The following LINGO2 variants were observed in gnomAD, a reference collection of about 807,000 sequenced individuals.
The protein encoded by LINGO2 is leucine rich repeat and Ig domain containing 2.
Under a neutral mutation model 30.6 loss-of-function variants are expected in LINGO2, and 14 were observed. That is an observed-to-expected ratio of 0.46 (90% CI 0.30 to 0.72). The LOEUF is 0.72. Ranked by LOEUF, LINGO2 falls within the 30% of genes least tolerant of loss-of-function variation. The pLI, the probability that LINGO2 is intolerant of heterozygous loss-of-function variation, is 0.07. For synonymous variants in LINGO2, 317 were observed against 288.5 expected, an observed-to-expected ratio of 1.10 and a Z score of -1.00; for missense variants, 729 against 751.7, an observed-to-expected ratio of 0.97 and a Z score of 0.35.
At chr9:29,047,479 C>G in the LINGO2 span, among the ~76,000 whole-genome samples, 1 of 152,026 alleles carries the variant, frequency 6.6e-6, no homozygotes, top group African/African-American at 2.4e-5. Context: ...AAGCTCTCAA[C>G]ATAATAAAAG....
chr9:27,971,420 C>T (rs1028684679), intron 5 of LINGO2, among the ~76,000 whole-genome samples: 2 of 152,150 alleles, frequency 1.3e-5, no homozygotes, highest in Admixed American at 6.6e-5. Context: ...TCTGCTCCAT[C>T]GCCCAGGCTG....
the LINGO2 span, among the ~76,000 whole-genome samples, chr9:28,753,521 G>A: frequency 6.6e-6 from 1 of 152,006 alleles, no homozygotes; most frequent in African/African-American, 2.4e-5. Context: ...AATTAAGCCT[G>A]AGCTGCTTAC....
At chr9:28,159,107 C>A (rs1181816771) in intron 4 of LINGO2, among the ~76,000 whole-genome samples, 2 of 152,124 alleles carry the variant, frequency 1.3e-5, no homozygotes, top group African/African-American at 4.8e-5. Context: ...GGATGACAGA[C>A]TGCTTTATAA....
intron 3 of LINGO2, among the ~76,000 whole-genome samples, chr9:28,364,528 A>G (rs1362215520): frequency 6.6e-6 from 1 of 152,158 alleles, no homozygotes; most frequent in Non-Finnish European, 1.5e-5. Flanking sequence ...GCCATTTTAT[A>G]TAGCTCTCTA....
intron 1 of LINGO2, among the ~76,000 whole-genome samples, chr9:28,650,127 A>AAGAAATGAAAATTAAGG (rs1828029089): frequency 6.6e-6 from 1 of 152,082 alleles, no homozygotes; most frequent in Non-Finnish European, 1.5e-5. Flanking sequence ...AAGGAATATT[A>AAGAAATGAAAATTAAGG]CTATATTAAG....
chr9:28,045,152 T>C lies in LINGO2; in HGVS notation c.-86-32747A>G, dbSNP rs184417004. ...CCCACATAAGCCATTTTCCGGTCCA[T>C]TCCCACCACTACCCCTCCAAAAAAA... is the stretch of plus-strand genomic sequence containing the variant. On this transcript the variant is annotated intron_variant, in intron 4 of 5. Transcript: ENST00000379992. Among the ~76,000 whole-genome samples, 191 of 151,904 alleles carry C rather than the reference T, an allele frequency of 1.3e-3. 2 individuals are homozygous for C. Among genetic ancestry groups the C allele is most frequent in the Admixed American group, 0.013 (191 of 15,258 alleles).
chr9:28,827,046 G>T, the LINGO2 span, among the ~76,000 whole-genome samples: 1 of 152,276 alleles, frequency 6.6e-6, no homozygotes, highest in East Asian at 1.9e-4. Context: ...TTTGTGAATA[G>T]TCAATTATAG....
rs147644627 is a variant in LINGO2 at position 28,269,653 on chromosome 9, T to TC, written c.-87+25554dup. On this transcript the variant is annotated intron_variant, in intron 4 of 5. Coordinates refer to ENST00000379992, the Ensembl canonical transcript of LINGO2. The stretch of plus-strand genomic sequence containing the variant: ...AGGAATGGCTTTTGAATCAATAATT[T>TC]CCCCCACCAAATGTTCTCTGCTAAT... Among the ~76,000 whole-genome samples, 2,438 of 152,110 alleles carry TC rather than the reference T, an allele frequency of 0.016. 138 individuals are homozygous for TC. In the East Asian group the frequency reaches 0.18, roughly 12 times the overall value.
chr9:28,920,123 C>A, the LINGO2 span, among the ~76,000 whole-genome samples: 1 of 152,016 alleles, frequency 6.6e-6, no homozygotes, highest in Non-Finnish European at 1.5e-5. Context: ...AAAATAGATT[C>A]TCAGAAGTGA....
chr9:28,857,667 A>T, the LINGO2 span, among the ~76,000 whole-genome samples: 3 of 152,202 alleles, frequency 2.0e-5, no homozygotes, highest in Admixed American at 2.0e-4. Flanking sequence ...GCGATTAGCC[A>T]CAGGCAACTT....
At chr9:27,996,112 G>A (rs1042717928) in intron 5 of LINGO2, among the ~76,000 whole-genome samples, 2 of 152,012 alleles carry the variant, frequency 1.3e-5, no homozygotes, top group Non-Finnish European at 2.9e-5. Context: ...CATTAAAATG[G>A]CTATTATCAA....
intron 5 of LINGO2, among the ~76,000 whole-genome samples, chr9:27,990,466 C>CG (rs1563888299): frequency 2.5e-5 from 3 of 118,002 alleles, no homozygotes; most frequent in Non-Finnish European, 3.8e-5. Flanking sequence ...CTCAATACCC[C>CG]CCCCCCTTTT....
the LINGO2 span, among the ~76,000 whole-genome samples, chr9:28,962,578 C>T: frequency 6.6e-6 from 1 of 151,756 alleles, no homozygotes; most frequent in African/African-American, 2.4e-5. Flanking sequence ...ATTGTATACA[C>T]ATAAATTTTA....
At chr9:28,458,515 G>A (rs1476465765) in intron 2 of LINGO2, among the ~76,000 whole-genome samples, 2 of 151,966 alleles carry the variant, frequency 1.3e-5, no homozygotes, top group Admixed American at 1.3e-4. Context: ...TAATATACTT[G>A]CGTCTCTTTT....
At chr9:28,604,449 T>C (rs574740563) in intron 1 of LINGO2, among the ~76,000 whole-genome samples, 1 of 152,068 alleles carries the variant, frequency 6.6e-6, no homozygotes, top group Admixed American at 6.6e-5. Flanking sequence ...AAATGTCACT[T>C]TATTTTAAAT....
At chr9:29,168,290 T>G in the LINGO2 span, among the ~76,000 whole-genome samples, 1 of 152,026 alleles carries the variant, frequency 6.6e-6, no homozygotes, top group Non-Finnish European at 1.5e-5. Flanking sequence ...AAATTTAAAG[T>G]ATTATATTTG....
the LINGO2 span, among the ~76,000 whole-genome samples, chr9:28,675,914 T>TATATATAC: frequency 1.4e-4 from 19 of 133,714 alleles, no homozygotes; most frequent in Admixed American, 1.3e-3. Context: ...TGTATATATA[T>TATATATAC]ATATATATAT....
intron 4 of LINGO2, among the ~76,000 whole-genome samples, chr9:28,071,943 A>C (rs895817202): frequency 1.3e-5 from 2 of 152,212 alleles, no homozygotes; most frequent in Non-Finnish European, 2.9e-5. Flanking sequence ...ATGTATTTGC[A>C]TCCTATTATA....
At chr9:28,577,986 C>T (rs1314263625) in intron 1 of LINGO2, among the ~76,000 whole-genome samples, 1 of 152,124 alleles carries the variant, frequency 6.6e-6, no homozygotes, top group Non-Finnish European at 1.5e-5. Context: ...AACAAAGGCT[C>T]TCTTCTGATG....
Sources: gnomAD v4.1 joint callset for allele counts (sites outside exome capture counted in the v4.1 genomes callset) on GRCh38, gnomAD v4.1.1 for gene constraint, MANE v1.5 for transcripts, NCBI Gene and HGNC (gene_info 2026-07-23, HGNC 2026-07-21) for gene names.